Variants in ERG observed in about 807,000 individuals in gnomAD.
ERG encodes ETS transcription factor ERG.
Under a neutral mutation model 55.3 loss-of-function variants are expected in ERG, and 9 were observed. That is an observed-to-expected ratio of 0.16 (90% confidence interval 0.10 to 0.28). The LOEUF (loss-of-function observed/expected upper bound fraction) is 0.28, where lower values mean the gene tolerates loss of function less well. Ranked by LOEUF, ERG falls within the 10% of genes least tolerant of loss-of-function variation. The pLI is 1.00. For synonymous variants in ERG, 223 were observed against 237.3 expected, an observed-to-expected ratio of 0.94 and a Z score of 0.55; for missense variants, 434 against 631.6, an observed-to-expected ratio of 0.69 and a Z score of 3.35.
intron 6 of ERG, among the ~76,000 whole-genome samples, chr21:38,398,852 C>T (rs371491485): frequency 2.6e-5 from 4 of 152,238 alleles, no homozygotes; most frequent in East Asian, 1.9e-4. Flanking sequence ...TAGCTCACAA[C>T]CCCTGGCTTT....
At chr21:38,498,825 G>A (rs540352909), upstream of ERG, among the ~76,000 whole-genome samples, 3 of 152,236 alleles carry the variant, frequency 2.0e-5, no homozygotes, top group Admixed American at 6.5e-5. The surrounding 1 kb of genome is among the most constrained non-coding windows in gnomAD (Gnocchi z 4.6). Context: ...GCACCCCACT[G>A]CCCTGGGTGT....
At chr21:38,435,401 GTT>G (rs1990402186) in intron 2 of ERG, among the ~76,000 whole-genome samples, 3 of 152,198 alleles carry the variant, frequency 2.0e-5, no homozygotes, top group Admixed American at 1.3e-4. Context: ...TGGAAAAGCT[GTT>G]TCAGACCCCA....
At chr21:38,591,830 G>A (rs2060101912) in intron 1 of ERG, among the ~76,000 whole-genome samples, 1 of 152,244 alleles carries the variant, frequency 6.6e-6, no homozygotes, top group African/African-American at 2.4e-5. Context: ...ATGCACTAGT[G>A]CACAAGACTC....
At chr21:38,504,009 T>C (rs1202597832) in intron 2 of ERG, among the ~76,000 whole-genome samples, 2 of 152,084 alleles carry the variant, frequency 1.3e-5, no homozygotes, top group Non-Finnish European at 2.9e-5. Flanking sequence ...TGTGTATGAG[T>C]GTGTGAGTGT....
At chr21:38,655,138 T>C (rs2060511179) in intron 1 of ERG, among the ~76,000 whole-genome samples, 2 of 152,344 alleles carry the variant, frequency 1.3e-5, no homozygotes, top group South Asian at 4.1e-4. Flanking sequence ...CTTAGATCTC[T>C]GCATTTCCCA....
chr21:38,444,171 C>T (rs979386225), intron 2 of ERG, among the ~76,000 whole-genome samples: 2 of 152,124 alleles, frequency 1.3e-5, no homozygotes, highest in African/African-American at 4.8e-5. Context: ...ACCTTTTTAG[C>T]GTTAAAACAT....
chr21:38,370,503 C>A, the ERG span, among the ~76,000 whole-genome samples: 1 of 151,902 alleles, frequency 6.6e-6, no homozygotes, highest in African/African-American at 2.4e-5. Flanking sequence ...CGTTTTGCAC[C>A]TCAAGGTCAT....
chr21:38,490,900 C>G (rs189459088), intron 1 of ERG, among the ~76,000 whole-genome samples: 5 of 152,096 alleles, frequency 3.3e-5, no homozygotes, highest in African/African-American at 7.2e-5. Flanking sequence ...AAGGATGCCA[C>G]GAAGAAATAC....
intron 2 of ERG, among the ~76,000 whole-genome samples, chr21:38,549,578 A>G (rs1017120240): frequency 6.6e-6 from 1 of 152,228 alleles, no homozygotes; most frequent in Admixed American, 6.5e-5. Context: ...TACGCTTCTT[A>G]GGTATGTAAC....
chr21:38,588,770 T>G (rs1478877449), upstream of ERG, among the ~76,000 whole-genome samples: 2 of 152,276 alleles, frequency 1.3e-5, no homozygotes, highest in East Asian at 3.9e-4. Flanking sequence ...CAGGCTGGTG[T>G]GCAGTGGTGT....
intron 2 of ERG, among the ~76,000 whole-genome samples, chr21:38,557,280 T>C (rs1166437402): frequency 6.6e-6 from 1 of 152,250 alleles, no homozygotes; most frequent in African/African-American, 2.4e-5. Flanking sequence ...CTAATATGCA[T>C]TCCTGAAAAG....
chr21:38,534,225 C>G (rs781526869), intron 2 of ERG, among the ~76,000 whole-genome samples: 2 of 152,118 alleles, frequency 1.3e-5, no homozygotes, highest in Non-Finnish European at 2.9e-5. Context: ...CAATATTCAC[C>G]TCTGCATGAA....
At chr21:38,493,520 G>T (rs975513363) in intron 1 of ERG, among the ~76,000 whole-genome samples, 3 of 152,156 alleles carry the variant, frequency 2.0e-5, no homozygotes, top group African/African-American at 7.2e-5. Flanking sequence ...TCTACCATAA[G>T]AATTTTTTAT....
intron 1 of ERG, among the ~76,000 whole-genome samples, chr21:38,579,913 C>T (rs1164666045): frequency 5.3e-5 from 8 of 151,994 alleles, no homozygotes; most frequent in Admixed American, 2.6e-4. Context: ...CTCTGCCTCC[C>T]GGGTTCACAC....
upstream of ERG, among the ~76,000 whole-genome samples, chr21:38,500,816 C>T (rs2059415186): frequency 6.6e-6 from 1 of 152,096 alleles, no homozygotes; most frequent in African/African-American, 2.4e-5. Context: ...TGCATACAAA[C>T]ATAAAAAGTG....
chr21:38,444,370 G>T (rs2058869522), intron 2 of ERG, among the ~76,000 whole-genome samples: 1 of 152,158 alleles, frequency 6.6e-6, no homozygotes, highest in Admixed American at 6.5e-5. Context: ...ATGAGGGGCT[G>T]CTCGGAGGAC....
At chr21:38,557,640 C>T (rs1202050861) in intron 2 of ERG, among the ~76,000 whole-genome samples, 5 of 151,892 alleles carry the variant, frequency 3.3e-5, no homozygotes, top group South Asian at 2.1e-4. Context: ...ACTCTGAGAA[C>T]GTTAACCAAT....
intron 2 of ERG, among the ~76,000 whole-genome samples, chr21:38,573,608 C>T (rs199889134): frequency 1.3e-4 from 20 of 152,186 alleles, no homozygotes; most frequent in Admixed American, 4.6e-4. Flanking sequence ...GACATAGATT[C>T]TTTTGCTCAC....
chr21:38,580,532 T>C lies in ERG; in HGVS notation c.-127+4312A>G, dbSNP rs78477904. On this transcript the variant is annotated intron_variant, in intron 1 of 8. Coordinates refer to the ERG transcript ENST00000398897. The stretch of plus-strand genomic sequence containing the variant: ...CTCTATGTTGATTGAAAATCATTTC[T>C]TTAATACTTGTTTCTTGCAATAAAC... Among the ~76,000 whole-genome samples the C allele has an allele frequency of 6.9e-3, 1,057 of 152,330 alleles. 10 individuals carry two copies. Among genetic ancestry groups the C allele is most frequent in the African/African-American group, 0.024 (992 of 41,572 alleles).
Sources: allele counts gnomAD v4.1 joint callset (sites outside exome capture counted in the v4.1 genomes callset), GRCh38; gene constraint gnomAD v4.1.1; non-coding constraint Gnocchi (gnomAD v3.1); transcripts MANE v1.5; gene names NCBI Gene and HGNC (gene_info 2026-07-23, HGNC 2026-07-21).